QSER1: variants seen among roughly 807,000 people sequenced by gnomAD.
QSER1 encodes the protein glutamine and serine rich 1.
QSER1 carries 49 observed loss-of-function variants against 158.5 expected under a neutral mutation model. The ratio of observed to expected loss-of-function variants is 0.31; its 90% CI spans 0.25 to 0.39. The LOEUF is 0.39. Among genes scored for constraint, QSER1 ranks in the 10% least tolerant of loss-of-function variants. The probability of loss-of-function intolerance (pLI) is 1.00; values close to 1 mark genes in which losing one functional copy is unlikely to be tolerated. For missense variants in QSER1, 1,754 were observed against 2,010.3 expected, an observed-to-expected ratio of 0.87 and a Z score of 2.44; for synonymous variants, 650 against 715.5, an observed-to-expected ratio of 0.91 and a Z score of 1.46.
At position 32,901,748 on chromosome 11, in the gene QSER1, G is replaced by A. The variant is rs112361407; in HGVS notation, c.209+8414G>A. Among the ~76,000 whole-genome samples the A allele has an allele frequency of 3.7e-3, 557 of 152,274 alleles. 4 individuals carry two copies. Among genetic ancestry groups the A allele is most frequent in the African/African-American group, 0.012 (506 of 41,554 alleles). ...GAGCGTTGGTACTAGATTTTAGAGG[G>A]CTTCTGATGACAGATCATGGAGTTT... On this transcript the variant is annotated intron_variant, in intron 1 of 12. Transcript: ENST00000650167.
chr11:32,934,675 T>C lies in QSER1; in HGVS notation c.3417T>C (p.Ser1139=). 1 of 1,613,842 alleles carries C rather than the reference T, an allele frequency of 6.2e-7. No individual in the cohort carries two copies. The highest frequency in any genetic ancestry group is 1.1e-5 in the South Asian group (1 of 91,058). The change falls in exon 4 of 13, where the codon AGT becomes AGC. Residue 1139 remains serine, a synonymous_variant. Coordinates refer to ENST00000650167, the MANE Select transcript of QSER1 (RefSeq NM_001076786.3). ...NNNRNQEFVS[S]SRSISGENAT... is the part of the protein sequence containing the mutation. ...ACAGAAACCAAGAGTTTGTTTCTAG[T>C]AGTAGAAGTATAAGTGGAGAGAATG...
intron 11 of QSER1, among the ~76,000 whole-genome samples, chr11:32,974,651 A>C (rs1267643910): frequency 6.6e-6 from 1 of 152,184 alleles, no homozygotes; most frequent in Non-Finnish European, 1.5e-5. Context: ...ATAGTATGCC[A>C]AGTACAGTTC....
chr11:32,917,192 G>T (rs141162980), intron 1 of QSER1, among the ~76,000 whole-genome samples: 2 of 152,322 alleles, frequency 1.3e-5, no homozygotes, highest in East Asian at 3.9e-4. Context: ...TCAGTATTTT[G>T]TGCCTCTTCG....
intron 8 of QSER1, among the ~76,000 whole-genome samples, chr11:32,961,931 T>C (rs184825309): frequency 6.6e-6 from 1 of 152,344 alleles, no homozygotes; most frequent in Non-Finnish European, 1.5e-5. Context: ...AACTGAATAA[T>C]TGGTGTAATG....
chr11:32,957,147 TTTTC>T (rs1302364044), intron 7 of QSER1, among the ~76,000 whole-genome samples: 1 of 147,204 alleles, frequency 6.8e-6, no homozygotes, highest in Non-Finnish European at 1.5e-5. Context: ...TTTTTTTTTT[TTTTC>T]TTTTTTTTGA....
At chr11:32,958,171 G>GT in intron 8 of QSER1, 85 bp downstream of exon 8, 2 of 1,079,628 alleles carry the variant, frequency 1.9e-6, no homozygotes, top group Admixed American at 2.3e-5. Context: ...AATTCAAAAT[G>GT]TATTTACTTT....
At chr11:32,899,023 C>G (rs1053235499) in intron 1 of QSER1, among the ~76,000 whole-genome samples, 2 of 152,166 alleles carry the variant, frequency 1.3e-5, no homozygotes, top group African/African-American at 4.8e-5. Flanking sequence ...AACCCTCACT[C>G]CTTGTTGCTT....
intron 1 of QSER1, among the ~76,000 whole-genome samples, chr11:32,900,313 G>C (rs1232720539): frequency 6.6e-6 from 1 of 152,164 alleles, no homozygotes; most frequent in Non-Finnish European, 1.5e-5. Context: ...TGTAATCCCA[G>C]CACTTTGGGA....
In QSER1 at chr11:32,977,187, A is replaced by G. The variant is rs753520891; in HGVS notation, c.*713A>G. 22 of 152,606 alleles carry G rather than the reference A, an allele frequency of 1.4e-4. No homozygotes were observed. Among genetic ancestry groups the G allele is most frequent in the African/African-American group, 2.4e-4 (10 of 41,460 alleles). 9.5% of individuals were successfully genotyped at this position (152,606 alleles called of 1,614,324 possible). A position where few individuals can be genotyped will look rare whatever the true frequency, so the allele number is the denominator to read the frequency against. The stretch of plus-strand genomic sequence containing the variant: ...TGTTTTTTCCTTTGGAAAATTTTCA[A>G]TTGTACATTTTATTTCACTGATAGT... On this transcript the variant is annotated 3_prime_UTR_variant, in exon 13 of 13. Transcript: ENST00000650167.
chr11:32,933,566 C>T lies in QSER1; in HGVS notation c.2308C>T (p.Gln770Ter). 6.2e-7 allele frequency: 1 copy of T among 1,613,962 alleles called. No homozygotes were observed. Among genetic ancestry groups the T allele is most frequent in the Non-Finnish European group, 8.5e-7 (1 of 1,179,926 alleles). The change falls in exon 4 of 13, where the codon CAA becomes TAA. Residue 770 changes from glutamine (Q) to a stop codon, truncating the protein, a stop_gained. Coordinates refer to ENST00000650167, the MANE Select transcript of QSER1 (RefSeq NM_001076786.3). LOFTEE classifies it high-confidence loss of function. The part of the protein sequence containing the change: ...KEESVVGSVT[Q>*]LNQQIGQVNN... ...AGAAAGTGTTGTTGGTTCAGTGACA[C>T]AACTTAACCAACAAATTGGCCAAGT...
intron 1 of QSER1, among the ~76,000 whole-genome samples, chr11:32,901,998 G>A (rs575669135): frequency 4.6e-5 from 7 of 152,290 alleles, no homozygotes; most frequent in Non-Finnish European, 8.8e-5. Flanking sequence ...TGGGAGGATC[G>A]CTTGAGCCTG....
intron 1 of QSER1, among the ~76,000 whole-genome samples, chr11:32,900,871 C>T (rs1333446649): frequency 6.6e-6 from 1 of 152,204 alleles, no homozygotes; most frequent in African/African-American, 2.4e-5. Flanking sequence ...AGTAACTGCA[C>T]ATCACTGACA....
Position 32,912,316 on chromosome 11 carries a change from C to T in QSER1, c.210-14841C>T, listed in dbSNP as rs889384631. 5.3e-5 allele frequency among the ~76,000 whole-genome samples: 8 copies of T among 152,184 alleles called. No individual in the cohort carries two copies. In the South Asian group the frequency reaches 1.7e-3, roughly 32 times the overall value. ...TTCCTGTCTTCCCCGCAAGTCTTCT[C>T]AATTGTATTTTTTAAGAATTCCTAA... On this transcript the variant is annotated intron_variant, in intron 1 of 12. Coordinates refer to ENST00000650167, the MANE Select transcript of QSER1 (RefSeq NM_001076786.3).
chr11:32,942,546 T>A lies in QSER1; in HGVS notation c.4177+7111T>A, dbSNP rs1226883403. On this transcript the variant is annotated intron_variant, in intron 4 of 12. Transcript: ENST00000650167. Reference sequence around the variant, plus strand: ...TTGTCAAAGATCAGATAGTTGTAGATGTGCGGCATTATTTCTGAGGGCTCT... The same window carrying A: ...TTGTCAAAGATCAGATAGTTGTAGAAGTGCGGCATTATTTCTGAGGGCTCT... Among the ~76,000 whole-genome samples, 16 of 152,130 alleles carry A rather than the reference T, an allele frequency of 1.1e-4. No homozygotes were observed. In the East Asian group the frequency reaches 2.1e-3, roughly 20 times the overall value.
chr11:32,951,923 C>T lies in QSER1; in HGVS notation c.4178-1934C>T, dbSNP rs189637102. Among the ~76,000 whole-genome samples, 13 of 151,128 alleles carry T rather than the reference C, an allele frequency of 8.6e-5. 1 individual carries two copies. The highest frequency in any genetic ancestry group is 6.6e-4 in the Admixed American group (10 of 15,164). On this transcript the variant is annotated intron_variant, in intron 4 of 12. Coordinates refer to ENST00000650167, the MANE Select transcript of QSER1 (RefSeq NM_001076786.3). ...TGAGATCGTGGCTCACTGCAACCTC[C>T]GCCTCCCAGATTCAAGCAATTCTCC...
At position 32,933,932 on chromosome 11, in the gene QSER1, A is replaced by G. The variant is rs1564935058; in HGVS notation, c.2674A>G (p.Ile892Val). The stretch of plus-strand genomic sequence containing the variant: ...ACAGCGTGTTCAAAGCCCTCAACAA[A>G]TAGTACATCCCTTCCTTCAGATGGA... ...QAQRVQSPQQ[I>V]VHPFLQMEGH... The change falls in exon 4 of 13, where the codon ATA becomes GTA. Residue 892 changes from isoleucine to valine, a missense_variant. Physicochemically the swap from Ile to Val is conservative, Grantham distance 29 (BLOSUM62 3). This residue lies in a region of QSER1 where 1,707 missense variants were observed against 1,919.6 expected (regional missense o/e 0.89). Transcript: ENST00000650167. 3.1e-6 allele frequency: 5 copies of G among 1,614,052 alleles called. No individual in the cohort carries two copies. The East Asian group carries it at 8.9e-5, about 29-fold the overall frequency.
chr11:32,932,919 G>C lies in QSER1; in HGVS notation c.1661G>C (p.Ser554Thr). ...RDLSSVSQSQSYSSGHSQGLS... is the reference protein window; with the variant it reads ...RDLSSVSQSQTYSSGHSQGLS... ...CTGTCTTCAGTAAGTCAGTCTCAAA[G>C]TTACTCATCTGGTCACTCTCAGGGT... The change falls in exon 4 of 13, where the codon AGT becomes ACT. Residue 554 changes from serine (S) to threonine (T), a missense_variant. Ser to Thr is a moderately conservative substitution (Grantham distance 58). Around this residue, in one of 2 missense-constraint regions of QSER1, gnomAD observed 1,707 missense variants for 1,919.6 expected, o/e 0.89. Transcript: ENST00000650167. The C allele has an allele frequency of 6.2e-7, 1 of 1,613,858 alleles. No individual in the cohort carries two copies. The highest frequency in any genetic ancestry group is 8.5e-7 in the Non-Finnish European group (1 of 1,179,970).
Position 32,933,379 on chromosome 11 carries a change from T to G in QSER1, c.2121T>G (p.Leu707=). The G allele has an allele frequency of 1.9e-6, 3 of 1,613,882 alleles. No homozygotes were observed. Among genetic ancestry groups the G allele is most frequent in the Non-Finnish European group, 2.5e-6 (3 of 1,179,932 alleles). ...AGGTGTTGCAGCCACAAGCATCTCT[T>G]GAGTCATCAACCCAAAGGCTATCTG... ...ELQVLQPQAS[L]ESSTQRLSDG... The change falls in exon 4 of 13, where the codon CTT becomes CTG. Residue 707 remains leucine, a synonymous_variant. Coordinates refer to ENST00000650167, the MANE Select transcript of QSER1 (RefSeq NM_001076786.3).
At chr11:32,910,300 A>G (rs1590714349) in intron 1 of QSER1, among the ~76,000 whole-genome samples, 1 of 152,160 alleles carries the variant, frequency 6.6e-6, no homozygotes, top group African/African-American at 2.4e-5. Flanking sequence ...GATAGAGTTT[A>G]TAATTGTTTT....
Sources: allele counts gnomAD v4.1 joint callset (sites outside exome capture counted in the v4.1 genomes callset), GRCh38; gene constraint gnomAD v4.1.1; regional missense constraint gnomAD v4.1.1; transcripts MANE v1.5; gene names NCBI Gene and HGNC (gene_info 2026-07-23, HGNC 2026-07-21).